Variants in SATB2 observed in about 807,000 individuals in gnomAD.
SATB2 encodes the protein SATB homeobox 2, also known as DNA-binding protein SATB2.
In SATB2, 1 loss-of-function variant was observed where a neutral mutation model predicts 73.4. The observed-to-expected ratio is 0.01, with a 90% CI of 0.00 to 0.06. The LOEUF (loss-of-function observed/expected upper bound fraction) is 0.06, where lower values mean the gene tolerates loss of function less well. SATB2 is among the 10% of genes least tolerant of loss of function. The pLI is 1.00. For missense variants in SATB2, 459 were observed against 945.8 expected (o/e 0.49, Z 6.75); for synonymous variants, 397 against 367.0 (o/e 1.08, Z -0.93).
At chr2:199,290,066 T>TGGTCCTTGCTCCCCAGCCCCTGCC (rs1185224122) in intron 10 of SATB2, among the ~76,000 whole-genome samples, 1 of 152,224 alleles carries the variant, frequency 6.6e-6, no homozygotes, top group Admixed American at 6.5e-5. Flanking sequence ...GAGCCCCTGC[T>TGGTCCTTGCTCCCCAGCCCCTGCC]GGTCCTTGCT....
At chr2:199,317,993 G>A (rs544517766) in intron 9 of SATB2, among the ~76,000 whole-genome samples, 12 of 151,824 alleles carry the variant, frequency 7.9e-5, no homozygotes, top group South Asian at 4.2e-4. Flanking sequence ...AGTATATTTC[G>A]CCCAGTTGAC....
chr2:199,341,065 G>C (rs1688492421), intron 7 of SATB2, among the ~76,000 whole-genome samples: 1 of 152,146 alleles, frequency 6.6e-6, no homozygotes, highest in Non-Finnish European at 1.5e-5. Flanking sequence ...GTAATATTAA[G>C]TCTTAAAATA....
chr2:199,448,523 C>T (rs1013288604), intron 2 of SATB2, among the ~76,000 whole-genome samples: 3 of 152,292 alleles, frequency 2.0e-5, no homozygotes, highest in South Asian at 2.1e-4. Context: ...ATGTGGTTAA[C>T]GTGATGAAAT....
chr2:199,299,650 T>A (rs934971697), intron 10 of SATB2, among the ~76,000 whole-genome samples: 1 of 152,162 alleles, frequency 6.6e-6, no homozygotes, highest in Non-Finnish European at 1.5e-5. Flanking sequence ...TTTTCACTGT[T>A]ATATATGTGG....
chr2:199,404,579 T>C (rs1690577108), intron 3 of SATB2, among the ~76,000 whole-genome samples: 2 of 152,204 alleles, frequency 1.3e-5, no homozygotes, highest in African/African-American at 4.8e-5. Flanking sequence ...AGTATATTCA[T>C]TTAAAAAGTA....
intron 5 of SATB2, among the ~76,000 whole-genome samples, chr2:199,369,966 A>G (rs1689394542): frequency 6.6e-6 from 1 of 152,134 alleles, no homozygotes; most frequent in African/African-American, 2.4e-5. Flanking sequence ...CTCTGAGGGA[A>G]GATAGTAAGG....
intron 3 of SATB2, among the ~76,000 whole-genome samples, chr2:199,412,329 A>T (rs1405506519): frequency 6.6e-6 from 1 of 152,234 alleles, no homozygotes; most frequent in East Asian, 1.9e-4. Context: ...TATTACAAAC[A>T]GAAGAAGCCA....
Position 199,433,506 on chromosome 2 carries a change from T to A in SATB2, c.178A>T (p.Ile60Phe). 1 of 1,614,004 alleles carries A rather than the reference T, an allele frequency of 6.2e-7. No homozygotes were observed. Among genetic ancestry groups the A allele is most frequent in the Non-Finnish European group, 8.5e-7 (1 of 1,179,974 alleles). ...TGCTCCACGACACAAAAGACAGGAA[T>A]CATCAAACCTGAAGGGACAAAATTC... ...AVAKAVGGLM[I>F]PVFCVVEQLD... Residue 60 changes from isoleucine to phenylalanine, a missense_variant, in exon 3 of 11, where the codon ATT (isoleucine) becomes TTT (phenylalanine). Around this residue, in one of 13 missense-constraint regions of SATB2, gnomAD observed 74 missense variants for 113.3 expected, o/e 0.65. Transcript: ENST00000417098.
At chr2:199,448,988 T>G (rs1217067306) in intron 2 of SATB2, among the ~76,000 whole-genome samples, 11 of 152,168 alleles carry the variant, frequency 7.2e-5, no homozygotes. Flanking sequence ...TGTGTCATAA[T>G]CATTAATAAA....
chr2:199,415,015 TC>T (rs2105907263), intron 3 of SATB2, among the ~76,000 whole-genome samples: 1 of 152,104 alleles, frequency 6.6e-6, no homozygotes, highest in East Asian at 1.9e-4. Context: ...TTGCAAAACA[TC>T]GGGGAAAATA....
At chr2:199,288,364 G>A (rs781682275) in intron 10 of SATB2, among the ~76,000 whole-genome samples, 22 of 152,146 alleles carry the variant, frequency 1.4e-4, no homozygotes, top group Non-Finnish European at 3.1e-4. Flanking sequence ...CACAACTGAA[G>A]TGTTTTACAG....
rs768820424 is a variant in SATB2, at chr2:199,308,778, A to C, written c.1722T>G (p.Leu574=). Residue 574 remains leucine (L), a synonymous_variant, in exon 10 of 11, where the codon CTT becomes CTG. Coordinates refer to ENST00000417098, the MANE Select transcript of SATB2 (RefSeq NM_001172509.2). The surrounding 1 kb of genome is among the most constrained non-coding windows in gnomAD (Gnocchi z 4.6). ...CACTGACCTGCACCGGCTCAGGGGG[A>C]AGCTGGACCACGTGTTGCATGCGTT... ...HSERMQHVVQ[L]PPEPVQVLHR... The C allele has an allele frequency of 1.2e-6, 2 of 1,613,906 alleles. No individual in the cohort carries two copies. The highest frequency in any genetic ancestry group is 8.5e-7 in the Non-Finnish European group (1 of 1,179,940).
chr2:199,381,205 G>A (rs1396330783), intron 4 of SATB2, among the ~76,000 whole-genome samples: 2 of 152,018 alleles, frequency 1.3e-5, no homozygotes, highest in South Asian at 2.1e-4. Flanking sequence ...TTGTTTGTTT[G>A]TTTGTTTGTT....
intron 10 of SATB2, among the ~76,000 whole-genome samples, chr2:199,301,375 A>C: frequency 6.6e-6 from 1 of 152,152 alleles, no homozygotes; most frequent in African/African-American, 2.4e-5. Flanking sequence ...GGGTACTAGA[A>C]GCCATGTTCC....
intron 6 of SATB2, among the ~76,000 whole-genome samples, chr2:199,366,824 A>G (rs933303406): frequency 1.8e-4 from 27 of 152,050 alleles, no homozygotes; most frequent in African/African-American, 6.3e-4. Flanking sequence ...AAAAAAAAAA[A>G]AAAAGATACA....
At chr2:199,370,773 G>T (rs767932837) in intron 5 of SATB2, among the ~76,000 whole-genome samples, 46 of 152,064 alleles carry the variant, frequency 3.0e-4, no homozygotes, top group Admixed American at 1.2e-3. Flanking sequence ...GAATATCTGG[G>T]CTCCTACTGG....
rs372830951 is a variant in SATB2 at position 199,323,508 on chromosome 2, C to CACACACATAT, written c.1542+294_1542+295insATATGTGTGT. 6.0e-3 allele frequency among the ~76,000 whole-genome samples: 862 copies of CACACACATAT among 144,330 alleles called. 2 individuals carry two copies. The highest frequency in any genetic ancestry group is 0.026 in the East Asian group (123 of 4,728). 94.7% of individuals were successfully genotyped at this position (144,330 alleles called of 152,430 possible). ...ACACACACACACACACACACACACA[C>CACACACATAT]ATATATAAAGGGAGAGAAACAAAAG... is the stretch of plus-strand genomic sequence containing the variant. On this transcript the variant is annotated intron_variant, in intron 9 of 10. Coordinates refer to ENST00000417098, the MANE Select transcript of SATB2 (RefSeq NM_001172509.2).
At chr2:199,467,677 C>T (rs111882161), upstream of SATB2, among the ~76,000 whole-genome samples, 23 of 152,300 alleles carry the variant, frequency 1.5e-4, no homozygotes, top group African/African-American at 5.5e-4. Flanking sequence ...AGAATCCCCA[C>T]CACATTCTTT....
At chr2:199,393,554 G>A (rs1396908937) in intron 3 of SATB2, among the ~76,000 whole-genome samples, 3 of 152,034 alleles carry the variant, frequency 2.0e-5, no homozygotes, top group East Asian at 1.9e-4. Flanking sequence ...GAGACTTACT[G>A]ATAATCTCCA....
Sources: gnomAD v4.1 joint callset for allele counts (sites outside exome capture counted in the v4.1 genomes callset) on GRCh38, gnomAD v4.1.1 for gene constraint, gnomAD v4.1.1 regional missense constraint, Gnocchi (gnomAD v3.1) non-coding constraint, MANE v1.5 for transcripts, NCBI Gene and HGNC (gene_info 2026-07-23, HGNC 2026-07-21) for gene names.